Variants in ADCY4 observed in about 807,000 individuals in gnomAD.
The protein encoded by ADCY4 is adenylate cyclase 4, also known as adenylate cyclase type 4.
In ADCY4, 111 loss-of-function variants were observed where a neutral mutation model predicts 125.5. That is an observed-to-expected ratio of 0.88 (90% CI 0.76 to 1.04). The LOEUF is 1.04. Ranked by LOEUF, ADCY4 falls within the 50% of genes least tolerant of loss-of-function variation. The pLI is 0.00. For synonymous variants in ADCY4, 576 were observed against 586.9 expected, an observed-to-expected ratio of 0.98 and a Z score of 0.27; for missense variants, 1,256 against 1,382.9, an observed-to-expected ratio of 0.91 and a Z score of 1.46.
chr14:24,318,965 C>A (rs1409093839), intron 23 of ADCY4, 133 bp downstream of exon 23: 1 of 1,397,296 alleles, frequency 7.2e-7, no homozygotes, highest in South Asian at 1.3e-5. Flanking sequence ...AGCACCTTCA[C>A]ACCCCATCCC....
chr14:24,330,811 A>C (rs2042029257), intron 6 of ADCY4: 1 of 552,484 alleles, frequency 1.8e-6, no homozygotes, highest in Non-Finnish European at 3.2e-6. Flanking sequence ...GGCGATATTG[A>C]GGGATCTCTG....
Position 24,319,290 on chromosome 14 carries a change from G to C in ADCY4, c.2841+39C>G, listed in dbSNP as rs759403321. ...CCCACTAATAAGCCCATCAATGAGAGCCCAGAGGAGGATGGTAGGTAAGGA... is the reference window on the plus strand; with the variant it reads ...CCCACTAATAAGCCCATCAATGAGACCCCAGAGGAGGATGGTAGGTAAGGA... On this transcript the variant is annotated intron_variant, in intron 22 of 24. Coordinates refer to ENST00000418030, the MANE Select transcript of ADCY4 (RefSeq NM_001198568.2). The surrounding 1 kb of genome is among the most constrained non-coding windows in gnomAD (Gnocchi z 4.5). The C allele has an allele frequency of 9.9e-6, 16 of 1,612,392 alleles. No homozygotes were observed. The highest frequency in any genetic ancestry group is 1.2e-5 in the Non-Finnish European group (14 of 1,178,570).
intron 10 of ADCY4, among the ~76,000 whole-genome samples, chr14:24,328,147 C>G (rs2139213680): frequency 6.6e-6 from 1 of 151,422 alleles, no homozygotes; most frequent in East Asian, 2.0e-4. Flanking sequence ...GGGAAGACGC[C>G]CGTCACCAAG....
chr14:24,331,780 C>A lies in ADCY4; in HGVS notation c.669+8G>T, dbSNP rs764342742. On this transcript the variant is annotated splice_region_variant and intron_variant, in intron 4 of 24. Coordinates refer to ENST00000418030, the MANE Select transcript of ADCY4 (RefSeq NM_001198568.2). ...AGCGCTGCTCTGACCTTCCTAGGCC[C>A]GGCTGACCTGGTGCTTCTTCTCGGT... 1 of 1,571,902 alleles carries A rather than the reference C, an allele frequency of 6.4e-7. No individual in the cohort carries two copies. The highest frequency in any genetic ancestry group is 2.3e-5 in the East Asian group (1 of 43,876).
chr14:24,333,852 C>T, intron 1 of ADCY4, among the ~76,000 whole-genome samples: 1 of 152,266 alleles, frequency 6.6e-6, no homozygotes, highest in East Asian at 1.9e-4. Flanking sequence ...GCGATCTCGC[C>T]ACCTGCCTCA....
At chr14:24,331,534 G>A in intron 4 of ADCY4, 178 bp from the exon 5 acceptor site, 1 of 927,984 alleles carries the variant, frequency 1.1e-6, no homozygotes, top group Non-Finnish European at 1.6e-6. Flanking sequence ...ATCACCTTTA[G>A]TGACTAAACT....
At chr14:24,326,847 G>A (rs1247835197) in intron 10 of ADCY4, among the ~76,000 whole-genome samples, 1 of 148,416 alleles carries the variant, frequency 6.7e-6, no homozygotes, top group African/African-American at 2.5e-5. Context: ...GCCTGCCTCG[G>A]CTTCTCAAAG....
intron 16 of ADCY4, chr14:24,323,683 T>A (rs1225281631): frequency 7.2e-7 from 1 of 1,387,912 alleles, no homozygotes; most frequent in Admixed American, 3.1e-5. Context: ...CTGTGTGAGC[T>A]CTTGCCAGCC....
chr14:24,329,688 A>C (rs552900366), intron 8 of ADCY4, among the ~76,000 whole-genome samples, 155 bp from the exon 9 acceptor site: 2 of 152,234 alleles, frequency 1.3e-5, no homozygotes, highest in South Asian at 4.1e-4. Flanking sequence ...CCTGTGTTAC[A>C]GGAGGTGCCT....
In ADCY4 at chr14:24,318,461, G is replaced by C. The variant is rs758981664; in HGVS notation, c.3189C>G (p.Asn1063Lys). The C allele has an allele frequency of 9.9e-6, 16 of 1,614,094 alleles. No homozygotes were observed. In the Admixed American group the frequency reaches 1.2e-4, roughly 12 times the overall value. ...GKGQLCTYFL[N>K]TDLTRTGPPS... Reference sequence around the variant, plus strand: ...GAGGTCCAGTTCGTGTCAAGTCTGTGTTCAGGAAGTAGGTGCAGAGCTGCC... The same window carrying C: ...GAGGTCCAGTTCGTGTCAAGTCTGTCTTCAGGAAGTAGGTGCAGAGCTGCC... The change falls in exon 25 of 25, where the codon AAC (asparagine) becomes AAG (lysine). Residue 1063 changes from asparagine to lysine, a missense_variant. Asn to Lys is a moderately conservative substitution (Grantham distance 94, BLOSUM62 0). Transcript: ENST00000418030.
chr14:24,318,585 G>A lies in ADCY4; in HGVS notation c.3082-17C>T. 2 of 1,614,112 alleles carry A rather than the reference G, an allele frequency of 1.2e-6. No homozygotes were observed. Among genetic ancestry groups the A allele is most frequent in the South Asian group, 1.1e-5 (1 of 91,082 alleles). On this transcript the variant is annotated splice_polypyrimidine_tract_variant and intron_variant, in intron 24 of 24. Coordinates refer to ENST00000418030, the MANE Select transcript of ADCY4 (RefSeq NM_001198568.2). ...CTCAGTCACCTACAATTGGAGGGGG[G>A]CGAGGGAATATGGAGGTGGCCCTAT...
Position 24,329,841 on chromosome 14 carries a change from C to T in ADCY4, c.1217+19G>A, listed in dbSNP as rs531039003. ...CTGGTTGGCCTTCTGCTGTAGCTGC[C>T]TAGGGCCCTAGGTCTCACCCTGGTA... On this transcript the variant is annotated intron_variant, in intron 8 of 24. Transcript: ENST00000418030. 3.1e-6 allele frequency: 5 copies of T among 1,607,712 alleles called. No homozygotes were observed. Among genetic ancestry groups the T allele is most frequent in the African/African-American group, 2.7e-5 (2 of 74,944 alleles).
chr14:24,333,030 A>G, intron 1 of ADCY4, 42 bp from the exon 2 acceptor site: 2 of 1,491,748 alleles, frequency 1.3e-6, no homozygotes, highest in Non-Finnish European at 1.8e-6. Context: ...GACAGGGAGA[A>G]GGAACGAACC....
intron 3 of ADCY4, chr14:24,332,169 G>A (rs934640837): frequency 7.5e-5 from 37 of 492,556 alleles, no homozygotes; most frequent in Non-Finnish European, 1.0e-4. Flanking sequence ...GTCTGGAAAC[G>A]TTTGCAGGTA....
Position 24,332,941 on chromosome 14 carries a change from C to T in ADCY4, c.207G>A (p.Leu69=). ...GGCCCAGCAGCAGCGAGAAGCCGCCCAGCGCGCACAGCACAGTGGTCAGGA... is the reference window on the plus strand; with the variant it reads ...GGCCCAGCAGCAGCGAGAAGCCGCCTAGCGCGCACAGCACAGTGGTCAGGA... ...PSFLTTVLCA[L]GGFSLLLGLA... is the part of the protein sequence containing the mutation. Residue 69 remains leucine (L), a synonymous_variant, in exon 2 of 25, where the codon CTG becomes CTA. Coordinates refer to ENST00000418030, the MANE Select transcript of ADCY4 (RefSeq NM_001198568.2). The T allele has an allele frequency of 6.3e-7, 1 of 1,592,010 alleles. No homozygotes were observed. Among genetic ancestry groups the T allele is most frequent in the Non-Finnish European group, 8.6e-7 (1 of 1,167,828 alleles).
chr14:24,329,700 C>T (rs373397208), intron 8 of ADCY4, among the ~76,000 whole-genome samples, 160 bp downstream of exon 8: 43 of 152,156 alleles, frequency 2.8e-4, no homozygotes, highest in African/African-American at 1.0e-3. Context: ...GAGGTGCCTC[C>T]CAGCTCCCCT....
Position 24,332,354 on chromosome 14 carries a change from C to A in ADCY4, c.519+168G>T, listed in dbSNP as rs550064976. On this transcript the variant is annotated intron_variant, in intron 3 of 24. Transcript: ENST00000418030. The stretch of plus-strand genomic sequence containing the variant: ...GCCTGGATCCCTCTTCTGGTAACAG[C>A]AGGCATTGCATCACACTGTTGTACC... 5.5e-6 allele frequency: 4 copies of A among 728,256 alleles called. No individual in the cohort carries two copies. The South Asian group carries it at 8.6e-5, about 16-fold the overall frequency. The allele number at this position is 728,256 out of a possible 1,614,324, so 45.1% of individuals were successfully genotyped here.
chr14:24,322,959 C>T lies in ADCY4; in HGVS notation c.2287G>A (p.Ala763Thr), dbSNP rs2041879176. ...ASCSLFLHSHAWLSECLIVRL... is the reference protein window; with the variant it reads ...ASCSLFLHSHTWLSECLIVRL... ...ACGATGAGGCATTCCGACAGCCAGG[C>T]ATGGGAGTGCAGGAAGAGGGAGCAG... The change falls in exon 18 of 25, where the codon GCC becomes ACC. Residue 763 changes from alanine (A) to threonine (T), a missense_variant. Ala to Thr is a moderately conservative substitution (Grantham distance 58, BLOSUM62 0). Coordinates refer to ENST00000418030, the MANE Select transcript of ADCY4 (RefSeq NM_001198568.2). 1.2e-6 allele frequency: 2 copies of T among 1,613,624 alleles called. No individual in the cohort carries two copies. Among genetic ancestry groups the T allele is most frequent in the Non-Finnish European group, 1.7e-6 (2 of 1,179,806 alleles).
intron 14 of ADCY4, 94 bp from the exon 15 acceptor site, chr14:24,324,485 G>C: frequency 7.1e-7 from 1 of 1,410,860 alleles, no homozygotes; most frequent in Admixed American, 1.9e-5. Flanking sequence ...GATAGGGGAA[G>C]TGGTTCTGGG....
Sources: allele counts gnomAD v4.1 joint callset (sites outside exome capture counted in the v4.1 genomes callset), GRCh38; gene constraint gnomAD v4.1.1; non-coding constraint Gnocchi (gnomAD v3.1); transcripts MANE v1.5; gene names NCBI Gene and HGNC (gene_info 2026-07-23, HGNC 2026-07-21).